NTSR1: variants seen among roughly 807,000 people sequenced by gnomAD.
NTSR1 encodes the protein neurotensin receptor type 1.
Under a neutral mutation model 31.2 loss-of-function variants are expected in NTSR1, and 29 were observed. That is an observed-to-expected ratio of 0.93 (90% CI 0.69 to 1.27). The LOEUF is 1.27. Ranked by LOEUF, NTSR1 falls within the 50% of genes most tolerant of loss-of-function variation. The probability of loss-of-function intolerance (pLI) is 0.00; values close to 1 mark genes in which losing one functional copy is unlikely to be tolerated. For synonymous variants in NTSR1, 282 were observed against 269.9 expected, an observed-to-expected ratio of 1.04 and a Z score of -0.44; for missense variants, 697 against 595.4, an observed-to-expected ratio of 1.17 and a Z score of -1.78.
At chr20:62,729,801 T>G (rs1988973374) in intron 1 of NTSR1, among the ~76,000 whole-genome samples, 1 of 152,016 alleles carries the variant, frequency 6.6e-6, no homozygotes, top group South Asian at 2.1e-4. Context: ...TTTTATATTT[T>G]TGGTAGAGAC....
chr20:62,751,184 A>T (rs553985153), intron 1 of NTSR1, among the ~76,000 whole-genome samples: 43 of 152,338 alleles, frequency 2.8e-4, no homozygotes, highest in Admixed American at 5.2e-4. Context: ...GCCAATAGAT[A>T]CAATTTTTAT....
In NTSR1 at chr20:62,760,157, T is replaced by C; in HGVS notation, c.1147T>C (p.Cys383Arg). ...HIFLATLACL[C>R]PVWRRRRKRP... is the part of the protein sequence containing the mutation. Reference sequence around the variant, plus strand: ...CTTCCTGGCCACACTGGCCTGCCTCTGCCCGGTGTGGCGGCGCAGGAGGAA... The same window carrying C: ...CTTCCTGGCCACACTGGCCTGCCTCCGCCCGGTGTGGCGGCGCAGGAGGAA... Residue 383 changes from cysteine (C) to arginine (R), a missense_variant, in exon 4 of 4, where the codon TGC becomes CGC. By Grantham distance (180) the Cys-to-Arg change is radical. Transcript: ENST00000370501. 1 of 1,614,168 alleles carries C rather than the reference T, an allele frequency of 6.2e-7. No homozygotes were observed. The highest frequency in any genetic ancestry group is 8.5e-7 in the Non-Finnish European group (1 of 1,180,028).
In NTSR1 at chr20:62,760,060, C is replaced by A. The variant is rs199992458; in HGVS notation, c.1050C>A (p.Asn350Lys). ...DFYHYFYMVT[N>K]ALFYVSSTIN... is the part of the protein sequence containing the mutation. The stretch of plus-strand genomic sequence containing the variant: ...ACCACTACTTCTACATGGTGACCAA[C>A]GCACTCTTCTACGTCAGCTCCACCA... The change falls in exon 4 of 4, where the codon AAC becomes AAA. Residue 350 changes from asparagine to lysine, a missense_variant. Asn to Lys is a moderately conservative substitution (Grantham distance 94). Coordinates refer to ENST00000370501, the MANE Select transcript of NTSR1 (RefSeq NM_002531.3). 4.3e-6 allele frequency: 7 copies of A among 1,613,920 alleles called. No homozygotes were observed. Among genetic ancestry groups the A allele is most frequent in the Non-Finnish European group, 5.9e-6 (7 of 1,179,952 alleles).
At position 62,709,245 on chromosome 20, in the gene NTSR1, C is replaced by T; in HGVS notation, c.38C>T (p.Thr13Met). 6.6e-7 allele frequency: 1 copy of T among 1,509,150 alleles called. No homozygotes were observed. The highest frequency in any genetic ancestry group is 8.8e-7 in the Non-Finnish European group (1 of 1,136,102). 93.5% of individuals were successfully genotyped at this position (1,509,150 alleles called of 1,614,324 possible). A position where few individuals can be genotyped will look rare whatever the true frequency, so the allele number is the denominator to read the frequency against. Reference sequence around the variant, plus strand: ...AGCTCCGCGCCGGGAACCCCGGGCACGCCGGCCGCCGACCCCTTCCAGCGG... The same window carrying T: ...AGCTCCGCGCCGGGAACCCCGGGCATGCCGGCCGCCGACCCCTTCCAGCGG... ...LNSSAPGTPG[T>M]PAADPFQRAQ... The change falls in exon 1 of 4, where the codon ACG (threonine) becomes ATG (methionine). Residue 13 changes from threonine to methionine, a missense_variant. By Grantham distance (81) the Thr-to-Met change is moderately conservative. Coordinates refer to ENST00000370501, the MANE Select transcript of NTSR1 (RefSeq NM_002531.3).
chr20:62,720,777 A>G (rs977837043), intron 1 of NTSR1, among the ~76,000 whole-genome samples: 26 of 152,128 alleles, frequency 1.7e-4, no homozygotes, highest in African/African-American at 5.8e-4. Flanking sequence ...TAAACATGAA[A>G]TGCTATAAAC....
chr20:62,710,063 C>T lies in NTSR1; in HGVS notation c.714+142C>T, dbSNP rs142510271. The T allele has an allele frequency of 4.2e-6, 3 of 717,606 alleles. No individual in the cohort carries two copies. The Admixed American group carries it at 8.9e-5, about 21-fold the overall frequency. 44.5% of individuals were successfully genotyped at this position (717,606 alleles called of 1,614,324 possible). On this transcript the variant is annotated intron_variant, in intron 1 of 3. Coordinates refer to ENST00000370501, the MANE Select transcript of NTSR1 (RefSeq NM_002531.3). ...GAGGCTGGGAAGGCGGTTGGGGCAG[C>T]TTGGGGGCAGCTCCAGAGTTGCCAG...
intron 1 of NTSR1, among the ~76,000 whole-genome samples, chr20:62,734,622 G>A (rs575752027): frequency 6.6e-6 from 1 of 152,318 alleles, no homozygotes; most frequent in East Asian, 1.9e-4. Context: ...AAAGCTGCAG[G>A]CAGCCCTGTC....
intron 1 of NTSR1, among the ~76,000 whole-genome samples, chr20:62,751,213 T>C (rs1160886298): frequency 6.6e-6 from 1 of 152,146 alleles, no homozygotes; most frequent in Non-Finnish European, 1.5e-5. Context: ...TATCCCTCAA[T>C]AAAGCTGGGG....
chr20:62,722,496 C>G (rs959896411), intron 1 of NTSR1, among the ~76,000 whole-genome samples: 4 of 152,204 alleles, frequency 2.6e-5, no homozygotes, highest in African/African-American at 9.6e-5. Context: ...AGCACAGATC[C>G]CACAGGAAAG....
In NTSR1 at chr20:62,758,437, G is replaced by A; in HGVS notation, c.1007+81G>A. ...GATGGTGGGTGTGGCAGGCACTGCT[G>A]AGGGGATCCACTCAGGGCAGGGGTG... On this transcript the variant is annotated intron_variant, in intron 3 of 3. Transcript: ENST00000370501. The surrounding 1 kb of genome is among the most constrained non-coding windows in gnomAD (Gnocchi z 4.5). 1 of 1,298,332 alleles carries A rather than the reference G, an allele frequency of 7.7e-7. No homozygotes were observed. The highest frequency in any genetic ancestry group is 1.1e-6 in the Non-Finnish European group (1 of 907,074). The allele number at this position is 1,298,332 out of a possible 1,614,324, so 80.4% of individuals were successfully genotyped here.
At position 62,758,701 on chromosome 20, in the gene NTSR1, A is replaced by G. The variant is rs1188379808; in HGVS notation, c.1007+345A>G. On this transcript the variant is annotated intron_variant, in intron 3 of 3. Coordinates refer to ENST00000370501, the MANE Select transcript of NTSR1 (RefSeq NM_002531.3). The surrounding 1 kb of genome is among the most constrained non-coding windows in gnomAD (Gnocchi z 4.5). ...TCATATGGCAGCTGTCAGAGCCCCA[A>G]GGCCACCCAGGTTGGACCCACAGGG... Among the ~76,000 whole-genome samples the G allele has an allele frequency of 6.6e-6, 1 of 152,184 alleles. No individual in the cohort carries two copies.
rs1381472773 is a variant in NTSR1, at chr20:62,732,331, C to T, written c.715-22354C>T. On this transcript the variant is annotated intron_variant, in intron 1 of 3. Transcript: ENST00000370501. This position sits in a 1 kb window ranked among gnomAD's most constrained non-coding sequence, Gnocchi z 4.0. ...GCTGTAGGTTTTTAGTAGATGTTCT[C>T]TACCAAGCTGAGGGAGTTCCCTTGT... Among the ~76,000 whole-genome samples the T allele has an allele frequency of 6.6e-6, 1 of 152,196 alleles. No individual in the cohort carries two copies. The highest frequency in any genetic ancestry group is 1.5e-5 in the Non-Finnish European group (1 of 68,026).
At chr20:62,734,491 G>A (rs572769291) in intron 1 of NTSR1, among the ~76,000 whole-genome samples, 117 of 152,328 alleles carry the variant, frequency 7.7e-4, no homozygotes, top group African/African-American at 2.2e-3. Context: ...CAATGCCCAC[G>A]CCCTGTGTCC....
chr20:62,745,128 A>G lies in NTSR1; in HGVS notation c.715-9557A>G, dbSNP rs1294091288. Among the ~76,000 whole-genome samples the G allele has an allele frequency of 1.3e-5, 2 of 152,218 alleles. No individual in the cohort carries two copies. The highest frequency in any genetic ancestry group is 2.9e-5 in the Non-Finnish European group (2 of 68,036). ...AGAGCCCAGCTACCCAGCCGGCTCC[A>G]GGGAGGGTGGCCCAGCCAGTTCCTG... On this transcript the variant is annotated intron_variant, in intron 1 of 3. Coordinates refer to ENST00000370501, the MANE Select transcript of NTSR1 (RefSeq NM_002531.3). The surrounding 1 kb of genome is among the most constrained non-coding windows in gnomAD (Gnocchi z 4.1).
chr20:62,753,613 G>A (rs556755451), intron 1 of NTSR1, among the ~76,000 whole-genome samples: 26 of 152,332 alleles, frequency 1.7e-4, no homozygotes, highest in Admixed American at 4.6e-4. Context: ...CTCCGTCCCC[G>A]GCACAGGATC....
intron 1 of NTSR1, among the ~76,000 whole-genome samples, chr20:62,722,806 G>C (rs1419757147): frequency 6.6e-6 from 1 of 152,206 alleles, no homozygotes; most frequent in African/African-American, 2.4e-5. Context: ...GTTGTTTATG[G>C]CAGGAGAGCT....
At chr20:62,726,556 G>A (rs1188272394) in intron 1 of NTSR1, among the ~76,000 whole-genome samples, 1 of 152,184 alleles carries the variant, frequency 6.6e-6, no homozygotes, top group Non-Finnish European at 1.5e-5. Flanking sequence ...AGATTGCCTG[G>A]GCATGCTGGC....
intron 1 of NTSR1, among the ~76,000 whole-genome samples, chr20:62,726,508 A>G (rs1375023600): frequency 6.6e-6 from 1 of 152,098 alleles, no homozygotes; most frequent in Non-Finnish European, 1.5e-5. Context: ...TCCCCAGGAG[A>G]ATCAGCCATC....
rs1988669501 is a variant in NTSR1 at position 62,714,143 on chromosome 20, C to G, written c.714+4222C>G. ...TCTTCAAGGGGTCCTTAGGAACAGC[C>G]TGCTCCACTCTGACCTCCCGTGAGG... On this transcript the variant is annotated intron_variant, in intron 1 of 3. Transcript: ENST00000370501. The surrounding 1 kb of genome is among the most constrained non-coding windows in gnomAD (Gnocchi z 4.1). 6.6e-6 allele frequency among the ~76,000 whole-genome samples: 1 copy of G among 152,212 alleles called. No individual in the cohort carries two copies. The highest frequency in any genetic ancestry group is 2.1e-4 in the South Asian group (1 of 4,832).
Sources: allele counts gnomAD v4.1 joint callset (sites outside exome capture counted in the v4.1 genomes callset), GRCh38; gene constraint gnomAD v4.1.1; non-coding constraint Gnocchi (gnomAD v3.1); transcripts MANE v1.5; gene names NCBI Gene and HGNC (gene_info 2026-07-23, HGNC 2026-07-21).